PCDHA8: variants seen among roughly 807,000 people sequenced by gnomAD.
PCDHA8 encodes the protein protocadherin alpha-8.
Under a neutral mutation model 61.8 loss-of-function variants are expected in PCDHA8, and 53 were observed. The ratio of observed to expected loss-of-function variants is 0.86; its 90% confidence interval spans 0.69 to 1.08. PCDHA8 has a LOEUF of 1.08. Ranked by LOEUF, PCDHA8 falls within the 50% of genes least tolerant of loss-of-function variation. PCDHA8 has a pLI of 0.00. For missense variants in PCDHA8, 1,293 were observed against 1,245.0 expected, an observed-to-expected ratio of 1.04 and a Z score of -0.58; for synonymous variants, 618 against 556.6, an observed-to-expected ratio of 1.11 and a Z score of -1.55.
intron 1 of PCDHA8, among the ~76,000 whole-genome samples, chr5:140,924,969 A>C (rs781957377): frequency 5.3e-5 from 8 of 151,756 alleles, no homozygotes. Flanking sequence ...AGGTGAGTGC[A>C]GTGGCTCATG....
chr5:140,959,592 G>A (rs2095498598), intron 1 of PCDHA8, among the ~76,000 whole-genome samples: 2 of 152,162 alleles, frequency 1.3e-5, no homozygotes, highest in South Asian at 4.1e-4. Flanking sequence ...TATCAGCCAA[G>A]TATAACATGC....
intron 1 of PCDHA8, chr5:140,850,718 TTCTAGCGCGGTGGGGAGTTGGTCGTAC>T (rs2041783529): frequency 1.3e-6 from 2 of 1,597,556 alleles, no homozygotes; most frequent in African/African-American, 2.7e-5. Flanking sequence ...CGCTGGTGTG[TTCTAGCGCGGTGGGGAGTTGGTCGTAC>T]TCGCAGCAGA....
chr5:140,869,430 C>T (rs73793507), intron 1 of PCDHA8: 3 of 1,614,154 alleles, frequency 1.9e-6, no homozygotes, highest in South Asian at 2.2e-5. Context: ...TGGAGGTGAT[C>T]GTGGACAGGC....
chr5:140,976,781 T>C (rs1238344428), intron 1 of PCDHA8, among the ~76,000 whole-genome samples: 26 of 152,206 alleles, frequency 1.7e-4, no homozygotes, highest in Admixed American at 1.6e-3. Flanking sequence ...TCTGACTATA[T>C]AGCTACGCTT....
At chr5:140,866,876 T>A (rs1554160645) in intron 1 of PCDHA8, 2 of 152,134 alleles carry the variant, frequency 1.3e-5, no homozygotes, top group African/African-American at 4.8e-5. Context: ...CTTCTTGGTA[T>A]TAGCCTATAC....
At chr5:140,865,558 T>C (rs991717581) in intron 1 of PCDHA8, 1 of 152,224 alleles carries the variant, frequency 6.6e-6, no homozygotes, top group Non-Finnish European at 1.5e-5. Flanking sequence ...AGAGCCAATA[T>C]TGATCAGTAA....
chr5:140,913,410 C>T (rs375204256), intron 1 of PCDHA8, among the ~76,000 whole-genome samples: 6 of 152,040 alleles, frequency 3.9e-5, no homozygotes, highest in African/African-American at 1.4e-4. Context: ...CCTTTGAATT[C>T]CTGCAGTATC....
chr5:140,974,701 A>G (rs1299087234), intron 1 of PCDHA8, among the ~76,000 whole-genome samples: 2 of 152,012 alleles, frequency 1.3e-5, no homozygotes, highest in Non-Finnish European at 2.9e-5. Flanking sequence ...GGGTTTCACC[A>G]TGTTGTTCAA....
At chr5:140,918,977 AG>A (rs1226723076) in intron 1 of PCDHA8, among the ~76,000 whole-genome samples, 6 of 152,192 alleles carry the variant, frequency 3.9e-5, no homozygotes, top group African/African-American at 1.4e-4. Context: ...CGTTTAGGTT[AG>A]TTGGTTTTTA....
At chr5:140,969,661 G>A (rs2096351521) in intron 1 of PCDHA8, among the ~76,000 whole-genome samples, 2 of 152,166 alleles carry the variant, frequency 1.3e-5, no homozygotes, top group Non-Finnish European at 2.9e-5. Context: ...GTTTTAGGGA[G>A]TAATGTTATG....
intron 3 of PCDHA8, among the ~76,000 whole-genome samples, chr5:140,987,294 C>A (rs1406567852): frequency 6.6e-6 from 1 of 152,004 alleles, no homozygotes; most frequent in Non-Finnish European, 1.5e-5. Context: ...AACAAGCCTT[C>A]TATGTGATAC....
intron 3 of PCDHA8, 102 bp downstream of exon 3, chr5:140,982,665 A>G (rs1318068299): frequency 2.0e-6 from 3 of 1,465,204 alleles, no homozygotes; most frequent in Middle Eastern, 2.1e-4. Context: ...TTTCTTTTAT[A>G]TTTTTGTTAT....
chr5:141,010,136 CTCTT>C lies in PCDHA8; in HGVS notation c.*203_*206del, dbSNP rs782073868. The C allele has an allele frequency of 1.9e-6, 3 of 1,594,824 alleles. No homozygotes were observed. Among genetic ancestry groups the C allele is most frequent in the Non-Finnish European group, 2.6e-6 (3 of 1,169,724 alleles). On this transcript the variant is annotated 3_prime_UTR_variant, in exon 4 of 4. Transcript: ENST00000531613. ...AAAGCTTTACTAAGTCTGGTGTTAACTCTTTCTCTCCACTCTGGCTTGTTTTCAG... is the reference window on the plus strand; with the variant it reads ...AAAGCTTTACTAAGTCTGGTGTTAACTCTCTCCACTCTGGCTTGTTTTCAG...
intron 1 of PCDHA8, among the ~76,000 whole-genome samples, chr5:140,902,641 G>T (rs2069615645): frequency 6.6e-6 from 1 of 152,080 alleles, no homozygotes; most frequent in Non-Finnish European, 1.5e-5. Context: ...TGATTTCTGA[G>T]ATTTTGGTGC....
Position 140,896,030 on chromosome 5 carries a change from C to T in PCDHA8, c.2394+52315C>T, listed in dbSNP as rs180907288. On this transcript the variant is annotated intron_variant, in intron 1 of 3. Transcript: ENST00000531613. ...TTCTCCATGTTGGCCAGGCTGGTCT[C>T]GAACTCCTGACCTCAGGTGATCCGC... Among the ~76,000 whole-genome samples, 1,221 of 152,240 alleles carry T rather than the reference C, an allele frequency of 8.0e-3. 6 individuals are homozygous for T. The highest frequency in any genetic ancestry group is 0.019 in the African/African-American group (785 of 41,560).
chr5:141,009,745 A>G lies in PCDHA8; in HGVS notation c.2661A>G (p.Lys887=). The G allele has an allele frequency of 6.2e-7, 1 of 1,614,104 alleles. No individual in the cohort carries two copies. The highest frequency in any genetic ancestry group is 8.5e-7 in the Non-Finnish European group (1 of 1,180,006). The part of the protein sequence containing the change: ...KQSGPGELPD[K]FIIPGSPAII... ...CCGGTCCCGGTGAGTTGCCCGACAA[A>G]TTCATTATCCCAGGATCTCCTGCAA... Residue 887 remains lysine, a synonymous_variant, in exon 4 of 4, where the codon AAA becomes AAG. Coordinates refer to ENST00000531613, the MANE Select transcript of PCDHA8 (RefSeq NM_018911.3).
intron 2 of PCDHA8, among the ~76,000 whole-genome samples, chr5:140,979,586 C>T (rs1554240859): frequency 6.6e-6 from 1 of 152,188 alleles, no homozygotes; most frequent in Admixed American, 6.5e-5. Context: ...CCAAATCTAG[C>T]TTACTTTAAA....
intron 1 of PCDHA8, among the ~76,000 whole-genome samples, chr5:140,958,548 A>C (rs185504563): frequency 6.6e-6 from 1 of 152,180 alleles, no homozygotes; most frequent in African/African-American, 2.4e-5. Context: ...TTATGAACCA[A>C]TAAATGTTTC....
At chr5:140,884,530 G>A in intron 1 of PCDHA8, 1 of 1,614,062 alleles carries the variant, frequency 6.2e-7, no homozygotes, top group South Asian at 1.1e-5. Context: ...CGCAGCAGAG[G>A]CGGCCGAGGG....
Sources: allele counts gnomAD v4.1 joint callset (sites outside exome capture counted in the v4.1 genomes callset), GRCh38; gene constraint gnomAD v4.1.1; transcripts MANE v1.5; gene names NCBI Gene and HGNC (gene_info 2026-07-23, HGNC 2026-07-21).